The following RBM28 variants were observed in gnomAD, a reference collection of about 807,000 sequenced individuals.
The protein encoded by RBM28 is RNA binding motif protein 28.
Under a neutral mutation model 98.3 loss-of-function variants are expected in RBM28, and 78 were observed. The observed-to-expected ratio is 0.79, with a 90% CI of 0.66 to 0.96. The LOEUF (loss-of-function observed/expected upper bound fraction) is 0.96. RBM28 is among the 40% of genes least tolerant of loss of function. RBM28 has a pLI of 0.00. For missense variants in RBM28, 838 were observed against 913.0 expected (o/e 0.92, Z 1.06); for synonymous variants, 306 against 330.9 (o/e 0.92, Z 0.82).
rs370008356 is a variant in RBM28, at chr7:128,335,924, ATCT to A, written c.729_731del (p.Glu243del). The A allele has an allele frequency of 9.5e-4, 1,523 of 1,609,430 alleles. 8 individuals carry two copies. In the African/African-American group the frequency reaches 0.011, roughly 12 times the overall value. ...CTTCATCTTCATCATCAAAAACCCC[ATCT>A]TCTTCATCATCATCATCGTCATCAT... On this transcript the variant is annotated inframe_deletion, in exon 7 of 19. Transcript: ENST00000223073.
At chr7:128,333,705 C>T (rs73230656) in intron 8 of RBM28, among the ~76,000 whole-genome samples, 12,668 of 151,700 alleles carry the variant, frequency 0.084, 678 homozygotes, top group African/African-American at 0.15. Flanking sequence ...GTGACAAGAG[C>T]GAAACAAAGT....
chr7:128,329,888 CAAAAAAAA>C (rs398006204), intron 10 of RBM28, among the ~76,000 whole-genome samples: 9 of 101,628 alleles, frequency 8.9e-5, no homozygotes, highest in African/African-American at 2.5e-4. Context: ...GACTCCGTCT[CAAAAAAAA>C]AAAAAAAAAA....
Position 128,310,328 on chromosome 7 carries a change from CAGA to C in RBM28, c.*466_*468del. ...ACAGTTCCTGCAGTGTGTAAGACTA[CAGA>C]GCTGAATTAGGAATGTCAAAGAATG... On this transcript the variant is annotated 3_prime_UTR_variant, in exon 19 of 19. Coordinates refer to ENST00000223073, the MANE Select transcript of RBM28 (RefSeq NM_018077.3). 3 of 237,176 alleles carry C rather than the reference CAGA, an allele frequency of 1.3e-5. No individual in the cohort carries two copies. Among genetic ancestry groups the C allele is most frequent in the South Asian group, 1.1e-4 (2 of 17,534 alleles). The allele number at this position is 237,176 out of a possible 1,614,324, so 14.7% of individuals were successfully genotyped here.
rs1171853508 is a variant in RBM28, at chr7:128,321,335, T to C, written c.1494A>G (p.Val498=). The C allele has an allele frequency of 6.2e-7, 1 of 1,614,230 alleles. No homozygotes were observed. The highest frequency in any genetic ancestry group is 2.2e-5 in the East Asian group (1 of 44,892). Residue 498 remains valine (V), a synonymous_variant, in exon 14 of 19, where the codon GTA becomes GTG. Transcript: ENST00000223073. ...RLCLHNLPKA[V]DDKQLRKLLL... is the part of the protein sequence containing the mutation. ...GCAGCTTTCTGAGCTGTTTGTCATC[T>C]ACAGCCTTTGGGAGATTGTGCAGGC...
Position 128,321,356 on chromosome 7 carries a change from C to T in RBM28, c.1473G>A (p.Leu491=). 6.2e-7 allele frequency: 1 copy of T among 1,614,184 alleles called. No individual in the cohort carries two copies. Among genetic ancestry groups the T allele is most frequent in the Non-Finnish European group, 8.5e-7 (1 of 1,180,022 alleles). The part of the protein sequence containing the change: ...NIFVSRTRLC[L]HNLPKAVDDK... ...CATCTACAGCCTTTGGGAGATTGTG[C>T]AGGCAGAGCCTGGTTCGGGAGACAA... The change falls in exon 14 of 19, where the codon CTG becomes CTA. Residue 491 remains leucine, a synonymous_variant. Transcript: ENST00000223073.
intron 1 of RBM28, among the ~76,000 whole-genome samples, chr7:128,340,002 G>C (rs1796690017): frequency 1.3e-5 from 2 of 152,202 alleles, no homozygotes; most frequent in Non-Finnish European, 2.9e-5. Context: ...GAAACTGTTA[G>C]CCTTCCTCCT....
chr7:128,339,079 C>T (rs1020306892), intron 3 of RBM28, 148 bp downstream of exon 3: 3 of 819,848 alleles, frequency 3.7e-6, no homozygotes, highest in African/African-American at 1.7e-5. Context: ...ATTACACAGG[C>T]CCACTTTCTG....
At chr7:128,332,868 G>C (rs1796511361) in intron 9 of RBM28, among the ~76,000 whole-genome samples, 1 of 152,098 alleles carries the variant, frequency 6.6e-6, no homozygotes, top group Non-Finnish European at 1.5e-5. Flanking sequence ...CTCCCACCTA[G>C]TTTTCCTGGA....
chr7:128,318,192 A>C, intron 14 of RBM28, 86 bp from the exon 15 acceptor site: 1 of 1,369,474 alleles, frequency 7.3e-7, no homozygotes, highest in Non-Finnish European at 1.0e-6. Flanking sequence ...TCAATAAGAA[A>C]TCAGGCTATT....
rs755279711 is a variant in RBM28, at chr7:128,314,937, A to G, written c.1872T>C (p.Ala624=). ...EPAKDQQQKA[A]QHHTEEQSKV... ...TGCTTTGTTCCTCTGTGTGGTGTTG[A>G]GCTGCCTTCTGTTGCTGGTCTTTTG... The change falls in exon 17 of 19, where the codon GCT becomes GCC. Residue 624 remains alanine (A), a synonymous_variant. Coordinates refer to ENST00000223073, the MANE Select transcript of RBM28 (RefSeq NM_018077.3). 1 of 1,614,096 alleles carries G rather than the reference A, an allele frequency of 6.2e-7. No homozygotes were observed. Among genetic ancestry groups the G allele is most frequent in the Admixed American group, 1.7e-5 (1 of 60,028 alleles).
chr7:128,343,613 G>C, intron 1 of RBM28, 63 bp downstream of exon 1: 1 of 1,252,394 alleles, frequency 8.0e-7, no homozygotes, highest in Non-Finnish European at 1.1e-6. Flanking sequence ...GCTCCCTGAA[G>C]TTTGGGAAGG....
chr7:128,307,069 C>A lies in RBM28; in HGVS notation c.*3728G>T, dbSNP rs1021237615. The A allele has an allele frequency of 2.0e-5, 3 of 152,208 alleles. No homozygotes were observed. Among genetic ancestry groups the A allele is most frequent in the African/African-American group, 7.2e-5 (3 of 41,448 alleles). 9.4% of individuals were successfully genotyped at this position (152,208 alleles called of 1,614,324 possible). On this transcript the variant is annotated 3_prime_UTR_variant, in exon 19 of 19. Transcript: ENST00000223073. Reference sequence around the variant, plus strand: ...AAACCTCATCCTGGCCCTTAAAGTGCCAATTAAGGCTGAGTTGAAAAGGAG... The same window carrying A: ...AAACCTCATCCTGGCCCTTAAAGTGACAATTAAGGCTGAGTTGAAAAGGAG...
At chr7:128,311,127 T>C (rs1795974888) in intron 18 of RBM28, among the ~76,000 whole-genome samples, 196 bp from the exon 19 acceptor site, 1 of 151,948 alleles carries the variant, frequency 6.6e-6, no homozygotes, top group South Asian at 2.1e-4. Context: ...AGACCAAGAG[T>C]GAGTGCACAG....
Position 128,322,808 on chromosome 7 carries a change from T to C in RBM28, c.1404+719A>G, listed in dbSNP as rs142760218. On this transcript the variant is annotated intron_variant, in intron 13 of 18. Transcript: ENST00000223073. Reference sequence around the variant, plus strand: ...CTACCACAAAAGTTGAAAACACTAGTGCAGAATCTGTGCCCACTGAAAAAA... The same window carrying C: ...CTACCACAAAAGTTGAAAACACTAGCGCAGAATCTGTGCCCACTGAAAAAA... 9.3e-4 allele frequency among the ~76,000 whole-genome samples: 142 copies of C among 152,260 alleles called. 1 individual carries two copies. The highest frequency in any genetic ancestry group is 3.3e-3 in the African/African-American group (138 of 41,550).
rs1003543296 is a variant in RBM28 at position 128,301,879 on chromosome 7, G to A, written c.*8918C>T. Reference sequence around the variant, plus strand: ...TGACTTTCCATGGCTCCGACGAGGGGTCCTGAGGCACTCTATCGAAGTGCA... The same window carrying A: ...TGACTTTCCATGGCTCCGACGAGGGATCCTGAGGCACTCTATCGAAGTGCA... On this transcript the variant is annotated 3_prime_UTR_variant, in exon 19 of 19. Coordinates refer to ENST00000223073, the MANE Select transcript of RBM28 (RefSeq NM_018077.3). The A allele has an allele frequency of 2.6e-5, 4 of 152,228 alleles. No homozygotes were observed. The highest frequency in any genetic ancestry group is 5.9e-5 in the Non-Finnish European group (4 of 68,060). 9.4% of individuals were successfully genotyped at this position (152,228 alleles called of 1,614,324 possible). A position where few individuals can be genotyped will look rare whatever the true frequency, so the allele number is the denominator to read the frequency against.
chr7:128,336,014 A>C lies in RBM28; in HGVS notation c.642T>G (p.His214Gln), dbSNP rs867074740. 10 of 1,611,462 alleles carry C rather than the reference A, an allele frequency of 6.2e-6. No homozygotes were observed. The highest frequency in any genetic ancestry group is 8.5e-6 in the Non-Finnish European group (10 of 1,178,900). The change falls in exon 7 of 19, where the codon CAT becomes CAG. Residue 214 changes from histidine (H) to glutamine (Q), a missense_variant. Transcript: ENST00000223073. ...IGEEKSHESK[H>Q]QESVKKKGRE... ...TGCCCTTCTTTTTAACTGATTCCTG[A>C]TGTTTAGATTCATGGCTCTTTTCCT...
At chr7:128,338,488 T>A (rs1054507095) in intron 4 of RBM28, 146 bp from the exon 5 acceptor site, 2 of 775,070 alleles carry the variant, frequency 2.6e-6, no homozygotes, top group African/African-American at 3.4e-5. Context: ...TGCTTACATC[T>A]TCTTACTGAG....
chr7:128,339,347 A>G (rs1477329994), intron 2 of RBM28, 26 bp from the exon 3 acceptor site: 8 of 1,550,804 alleles, frequency 5.2e-6, no homozygotes, highest in Non-Finnish European at 7.1e-6. Context: ...TAATGGAATA[A>G]GTACTCGAAA....
chr7:128,343,648 G>GC, intron 1 of RBM28, 28 bp downstream of exon 1: 1 of 1,566,330 alleles, frequency 6.4e-7, no homozygotes, highest in Non-Finnish European at 8.8e-7. Flanking sequence ...GGAAACCCCA[G>GC]CCCTATCCTC....
Sources: gnomAD v4.1 joint callset for allele counts (sites outside exome capture counted in the v4.1 genomes callset) on GRCh38, gnomAD v4.1.1 for gene constraint, MANE v1.5 for transcripts, NCBI Gene and HGNC (gene_info 2026-07-23, HGNC 2026-07-21) for gene names.